Variants in DHTKD1 observed in about 807,000 individuals in gnomAD.
DHTKD1 encodes the protein dehydrogenase E1 and transketolase domain containing 1.
A neutral mutation model predicts 101.8 loss-of-function variants in DHTKD1; 78 were observed. The observed-to-expected ratio is 0.77, with a 90% CI of 0.64 to 0.93. DHTKD1 has a LOEUF of 0.93. Among genes scored for constraint, DHTKD1 ranks in the 40% least tolerant of loss-of-function variants. The pLI is 0.00. For missense variants in DHTKD1, 1,223 were observed against 1,161.7 expected (o/e 1.05, Z -0.77); for synonymous variants, 462 against 450.3 (o/e 1.03, Z -0.33).
intron 15 of DHTKD1, among the ~76,000 whole-genome samples, chr10:12,119,387 G>A (rs776777184): frequency 1.3e-5 from 2 of 151,382 alleles, no homozygotes; most frequent in Non-Finnish European, 2.9e-5. Flanking sequence ...AGGCCGAGGT[G>A]GGCGGATCAC....
At chr10:12,113,378 A>G (rs982442361) in intron 13 of DHTKD1, among the ~76,000 whole-genome samples, 1 of 152,132 alleles carries the variant, frequency 6.6e-6, no homozygotes. Context: ...TTGTATTTTT[A>G]GTAGAGATGG....
intron 1 of DHTKD1, among the ~76,000 whole-genome samples, chr10:12,072,636 A>G (rs756640318): frequency 6.6e-6 from 1 of 152,040 alleles, no homozygotes; most frequent in South Asian, 2.1e-4. Flanking sequence ...TTGTACTTTC[A>G]CCTCTGTAAA....
chr10:12,074,983 G>A (rs1046959177), intron 1 of DHTKD1, among the ~76,000 whole-genome samples: 26 of 151,998 alleles, frequency 1.7e-4, no homozygotes, highest in Non-Finnish European at 2.9e-4. Context: ...AAAATTAGCC[G>A]GGTGTGGTCG....
At chr10:12,076,996 G>T (rs1318582876) in intron 1 of DHTKD1, among the ~76,000 whole-genome samples, 1 of 34,554 alleles carries the variant, frequency 2.9e-5, no homozygotes, top group Non-Finnish European at 1.0e-4. Flanking sequence ...AAAAAAAAAA[G>T]GAAGAAAAAA....
chr10:12,115,217 C>A (rs1479898936), intron 13 of DHTKD1, among the ~76,000 whole-genome samples: 1 of 152,196 alleles, frequency 6.6e-6, no homozygotes, highest in Non-Finnish European at 1.5e-5. Flanking sequence ...CAGCCTCAGC[C>A]TCCCCAGTAG....
intron 9 of DHTKD1, 55 bp from the exon 10 acceptor site, chr10:12,100,987 C>A: frequency 6.3e-7 from 1 of 1,586,000 alleles, no homozygotes; most frequent in South Asian, 1.1e-5. Flanking sequence ...AGTCACCACA[C>A]CTTATTATTA....
chr10:12,088,935 A>T (rs775906377), intron 4 of DHTKD1, 51 bp from the exon 5 acceptor site: 28 of 1,526,638 alleles, frequency 1.8e-5, no homozygotes, highest in Non-Finnish European at 2.1e-5. Flanking sequence ...TCTTCCCTAG[A>T]CTCCATTGTG....
intron 12 of DHTKD1, 28 bp downstream of exon 12, chr10:12,108,043 G>T (rs1378374522): frequency 6.4e-7 from 1 of 1,558,186 alleles, no homozygotes; most frequent in Middle Eastern, 1.7e-4. Context: ...CGGAGTCAAT[G>T]AATCATTTTC....
intron 1 of DHTKD1, among the ~76,000 whole-genome samples, chr10:12,073,622 T>C (rs1832680819): frequency 6.6e-6 from 1 of 152,168 alleles, no homozygotes; most frequent in African/African-American, 2.4e-5. Flanking sequence ...GGCTGCAGTC[T>C]CTGGCTAGCT....
At chr10:12,118,571 A>G (rs1019617788) in intron 14 of DHTKD1, among the ~76,000 whole-genome samples, 178 bp from the exon 15 acceptor site, 41 of 151,678 alleles carry the variant, frequency 2.7e-4, no homozygotes, top group South Asian at 6.3e-4. Context: ...TTTAGTAGAG[A>G]CAGGGTTTCA....
At position 12,089,237 on chromosome 10, in the gene DHTKD1, C is replaced by A; in HGVS notation, c.969C>A (p.Asp323Glu). The change falls in exon 5 of 17, where the codon GAC becomes GAA. Residue 323 changes from aspartate to glutamate, a missense_variant. Physicochemically the swap from Asp to Glu is conservative, Grantham distance 45. Transcript: ENST00000263035. The part of the protein sequence containing the change: ...YSPDNSAQPG[D>E]RVICLQVHGD... ...CAGACAACTCAGCCCAGCCGGGGGA[C>A]AGGGTCATTTGCTTACAGGTACTTG... 6.2e-7 allele frequency: 1 copy of A among 1,614,020 alleles called. No individual in the cohort carries two copies. The highest frequency in any genetic ancestry group is 8.5e-7 in the Non-Finnish European group (1 of 1,180,014).
intron 6 of DHTKD1, 119 bp from the exon 7 acceptor site, chr10:12,093,954 C>A: frequency 1.1e-6 from 1 of 895,954 alleles, no homozygotes; most frequent in South Asian, 1.6e-5. Context: ...GGTTGTTAAC[C>A]AAACCAATAT....
chr10:12,120,131 A>G, intron 15 of DHTKD1, 51 bp from the exon 16 acceptor site: 5 of 1,398,546 alleles, frequency 3.6e-6, no homozygotes, highest in Non-Finnish European at 5.1e-6. Flanking sequence ...TAAATTGGGG[A>G]CCGTCTGCAT....
Position 12,120,974 on chromosome 10 carries a change from C to T in DHTKD1, c.*86C>T. On this transcript the variant is annotated 3_prime_UTR_variant, in exon 17 of 17. Transcript: ENST00000263035. ...GTGGCACATGCCTGTAATCCCAGCA[C>T]TTTGGGAGGCCAAGGCTGGTGGATC... is the stretch of plus-strand genomic sequence containing the variant. The T allele has an allele frequency of 1.6e-6, 2 of 1,225,968 alleles. No individual in the cohort carries two copies. The highest frequency in any genetic ancestry group is 1.9e-5 in the Admixed American group (1 of 51,770). 75.9% of individuals were successfully genotyped at this position (1,225,968 alleles called of 1,614,324 possible). A position where few individuals can be genotyped will look rare whatever the true frequency, so the allele number is the denominator to read the frequency against.
chr10:12,082,060 A>G (rs1320572571), intron 2 of DHTKD1, among the ~76,000 whole-genome samples: 1 of 151,840 alleles, frequency 6.6e-6, no homozygotes, highest in Non-Finnish European at 1.5e-5. Context: ...CTGGGAGGTC[A>G]AGGCTGCAGT....
At chr10:12,109,384 C>A (rs527756022) in intron 12 of DHTKD1, among the ~76,000 whole-genome samples, 31 of 151,562 alleles carry the variant, frequency 2.0e-4, no homozygotes, top group African/African-American at 7.5e-4. Flanking sequence ...TAAAGCATGA[C>A]ATGTGAAATG....
rs1564393968 is a variant in DHTKD1, at chr10:12,097,785, A to G, written c.1460A>G (p.Lys487Arg). 1.2e-6 allele frequency: 2 copies of G among 1,614,236 alleles called. No individual in the cohort carries two copies. Among genetic ancestry groups the G allele is most frequent in the Non-Finnish European group, 8.5e-7 (1 of 1,180,038 alleles). ...VSEIKSSYYAKLNDHLNNMAH... is the reference protein window; with the variant it reads ...VSEIKSSYYARLNDHLNNMAH... ...GAAATAAAATCCTCCTACTATGCCA[A>G]GTTGAATGATCACTTAAATAACATG... Residue 487 changes from lysine (K) to arginine (R), a missense_variant, in exon 8 of 17, where the codon AAG (lysine) becomes AGG (arginine). Physicochemically the swap from Lys to Arg is conservative, Grantham distance 26 (BLOSUM62 2). Transcript: ENST00000263035.
chr10:12,115,104 A>T (rs61848296), intron 13 of DHTKD1, among the ~76,000 whole-genome samples: 2 of 151,644 alleles, frequency 1.3e-5, no homozygotes, highest in Non-Finnish European at 2.9e-5. Context: ...CTGTTTGAAC[A>T]GTTTCTTGAG....
At chr10:12,116,980 C>T (rs1012253216) in intron 13 of DHTKD1, among the ~76,000 whole-genome samples, 1 of 151,798 alleles carries the variant, frequency 6.6e-6, no homozygotes, top group African/African-American at 2.4e-5. Flanking sequence ...GGATCACAGG[C>T]TGGAGCCACT....
Sources: allele counts gnomAD v4.1 joint callset (sites outside exome capture counted in the v4.1 genomes callset), GRCh38; gene constraint gnomAD v4.1.1; transcripts MANE v1.5; gene names NCBI Gene and HGNC (gene_info 2026-07-23, HGNC 2026-07-21).